DDB1: variants seen among roughly 807,000 people sequenced by gnomAD.
DDB1 encodes the protein damage specific DNA binding protein 1, also known as DNA damage-binding protein 1.
A neutral mutation model predicts 133.1 loss-of-function variants in DDB1; 18 were observed. The observed-to-expected ratio is 0.14, with a 90% confidence interval of 0.09 to 0.20. The LOEUF is 0.20. Among genes scored for constraint, DDB1 ranks in the 10% least tolerant of loss-of-function variants. DDB1 has a pLI of 1.00. For synonymous variants in DDB1, 580 were observed against 550.5 expected (o/e 1.05, Z -0.75); for missense variants, 828 against 1,459.2 (o/e 0.57, Z 7.05).
In DDB1 at chr11:61,329,204, G is replaced by GA. The variant is rs572601058; in HGVS notation, c.549+158dup. ...AGTACTACTGCACTCAAGAAGCAAC[G>GA]AAAGTCTGACCCATATTAATTGTGT... On this transcript the variant is annotated intron_variant, in intron 4 of 26. Transcript: ENST00000301764. 1,331 of 670,358 alleles carry GA rather than the reference G, an allele frequency of 2.0e-3. 1 individual carries two copies. The highest frequency in any genetic ancestry group is 3.0e-3 in the Non-Finnish European group (1,152 of 385,582). The allele number at this position is 670,358 out of a possible 1,614,324, so 41.5% of individuals were successfully genotyped here. A position where few individuals can be genotyped will look rare whatever the true frequency, so the allele number is the denominator to read the frequency against.
intron 8 of DDB1, 49 bp downstream of exon 8, chr11:61,322,962 G>A (rs762548961): frequency 3.4e-6 from 5 of 1,482,456 alleles, no homozygotes; most frequent in East Asian, 2.3e-5. Flanking sequence ...ATTTGATGAA[G>A]AAACAGTGAG....
In DDB1 at chr11:61,299,721, A is replaced by G. The variant is rs759958615; in HGVS notation, c.*415T>C. On this transcript the variant is annotated 3_prime_UTR_variant, in exon 27 of 27. Coordinates refer to ENST00000301764, the MANE Select transcript of DDB1 (RefSeq NM_001923.5). ...CTCCTAACCCTCTTCCCCACTACCC[A>G]CAACTCCCTACACTGCCAATCTAAA... is the stretch of plus-strand genomic sequence containing the variant. The G allele has an allele frequency of 4.6e-6, 1 of 218,812 alleles. No individual in the cohort carries two copies. The highest frequency in any genetic ancestry group is 2.3e-5 in the African/African-American group (1 of 43,444). The allele number at this position is 218,812 out of a possible 1,614,324, so 13.6% of individuals were successfully genotyped here. A position where few individuals can be genotyped will look rare whatever the true frequency, so the allele number is the denominator to read the frequency against.
rs1300140184 is a variant in DDB1 at position 61,314,493 on chromosome 11, A to G, written c.1411-7T>C. On this transcript the variant is annotated splice_polypyrimidine_tract_variant and splice_region_variant and intron_variant, in intron 12 of 26. Coordinates refer to ENST00000301764, the MANE Select transcript of DDB1 (RefSeq NM_001923.5). ...TCACCGATGCTGAAGTGATCTAGAT[A>G]AACAGCAGATGAACAAATGTCTCCA... is the stretch of plus-strand genomic sequence containing the variant. 1 of 1,603,966 alleles carries G rather than the reference A, an allele frequency of 6.2e-7. No homozygotes were observed. Among genetic ancestry groups the G allele is most frequent in the Admixed American group, 1.7e-5 (1 of 58,102 alleles).
In DDB1 at chr11:61,309,929, T is replaced by C. The variant is rs1179983762; in HGVS notation, c.2433A>G (p.Glu811=). The C allele has an allele frequency of 1.2e-6, 2 of 1,614,222 alleles. No homozygotes were observed. Among genetic ancestry groups the C allele is most frequent in the Non-Finnish European group, 1.7e-6 (2 of 1,180,040 alleles). ...VLHAHQFLQN[E]YALSLVSCKL... ...TGCAGGAAACCAGACTGAGGGCATA[T>C]TCATTCTGCAGAAACTGGTGGGCAT... The change falls in exon 20 of 27, where the codon GAA becomes GAG. Residue 811 remains glutamate (E), a synonymous_variant. Transcript: ENST00000301764.
At chr11:61,318,539 C>T (rs183590571) in intron 10 of DDB1, among the ~76,000 whole-genome samples, 2 of 152,174 alleles carry the variant, frequency 1.3e-5, no homozygotes, top group African/African-American at 4.8e-5. Flanking sequence ...CATTCATGTC[C>T]TTTGCTAGTT....
At chr11:61,302,958 A>T in intron 23 of DDB1, 88 bp downstream of exon 23, 1 of 1,358,774 alleles carries the variant, frequency 7.4e-7, no homozygotes, top group Non-Finnish European at 1.0e-6. Flanking sequence ...GAGCACCTGA[A>T]CCTGACACAG....
At chr11:61,325,894 ATC>A in intron 5 of DDB1, 186 bp from the exon 6 acceptor site, 2 of 669,414 alleles carry the variant, frequency 3.0e-6, no homozygotes, top group Non-Finnish European at 5.4e-6. Context: ...ACTGGCCATT[ATC>A]TAATCCTGGT....
At chr11:61,312,992 T>C (rs1014535142) in intron 16 of DDB1, among the ~76,000 whole-genome samples, 1 of 152,174 alleles carries the variant, frequency 6.6e-6, no homozygotes, top group African/African-American at 2.4e-5. Context: ...TTTGTATTTT[T>C]ATTAGAGACA....
intron 23 of DDB1, 24 bp from the exon 24 acceptor site, chr11:61,302,775 T>C (rs932097190): frequency 6.2e-7 from 1 of 1,613,716 alleles, no homozygotes; most frequent in African/African-American, 1.3e-5. Flanking sequence ...AGAAAGTCAC[T>C]TTCTGAACCT....
At chr11:61,326,931 G>C (rs763772140) in intron 4 of DDB1, 38 bp from the exon 5 acceptor site, 1 of 1,492,960 alleles carries the variant, frequency 6.7e-7, no homozygotes, top group South Asian at 1.1e-5. Context: ...CCTTAGGAAG[G>C]GTGAGCCTTG....
In DDB1 at chr11:61,303,861, T is replaced by A. The variant is rs1168947408; in HGVS notation, c.2832+4A>T. On this transcript the variant is annotated splice_donor_region_variant and intron_variant, in intron 22 of 26. Coordinates refer to ENST00000301764, the MANE Select transcript of DDB1 (RefSeq NM_001923.5). ...GTCTGCTCGCATCCCCCCACCAGCA[T>A]CACCTCTTCAAAGTTTCCTTCCATG... The A allele has an allele frequency of 6.2e-7, 1 of 1,613,798 alleles. No individual in the cohort carries two copies. Among genetic ancestry groups the A allele is most frequent in the Non-Finnish European group, 8.5e-7 (1 of 1,179,922 alleles).
chr11:61,315,664 A>G (rs1856050649), intron 12 of DDB1: 1 of 152,578 alleles, frequency 6.6e-6, no homozygotes, highest in African/African-American at 2.4e-5. Flanking sequence ...GAGTGCTAAA[A>G]GCTGAAGGAT....
At position 61,330,056 on chromosome 11, in the gene DDB1, G is replaced by A. The variant is rs1032665209; in HGVS notation, c.229C>T (p.Leu77=). 6.2e-7 allele frequency: 1 copy of A among 1,613,090 alleles called. No homozygotes were observed. The highest frequency in any genetic ancestry group is 1.3e-5 in the African/African-American group (1 of 74,902). ...FRPKGESKDL[L]FILTAKYNAC... The stretch of plus-strand genomic sequence containing the variant: ...TTGTACTTCGCTGTCAAGATAAACA[G>A]CAGGTCCTTGCTCTCCCCCTGGAAA... The change falls in exon 3 of 27, where the codon CTG becomes TTG. Residue 77 remains leucine (L), a synonymous_variant. Coordinates refer to ENST00000301764, the MANE Select transcript of DDB1 (RefSeq NM_001923.5).
intron 21 of DDB1, among the ~76,000 whole-genome samples, chr11:61,306,517 T>C (rs1855885294): frequency 6.6e-6 from 1 of 152,192 alleles, no homozygotes; most frequent in South Asian, 2.1e-4. Flanking sequence ...TCTTGATGAC[T>C]ATAATATTCA....
At chr11:61,307,308 T>G (rs28720342) in intron 21 of DDB1, among the ~76,000 whole-genome samples, 1,530 of 152,362 alleles carry the variant, frequency 0.01, 39 homozygotes, top group African/African-American at 0.035. Flanking sequence ...CTGAGGCGAC[T>G]GCAATCAGGT....
At position 61,299,987 on chromosome 11, in the gene DDB1, C is replaced by A; in HGVS notation, c.*149G>T. 1 of 704,582 alleles carries A rather than the reference C, an allele frequency of 1.4e-6. No individual in the cohort carries two copies. The highest frequency in any genetic ancestry group is 2.5e-6 in the Non-Finnish European group (1 of 407,640). The allele number at this position is 704,582 out of a possible 1,614,324, so 43.6% of individuals were successfully genotyped here. ...ATTCCCAAGTCTCTATGAAGCCCGC[C>A]CCACTTCCACATAGGGGAACTGTGG... On this transcript the variant is annotated 3_prime_UTR_variant, in exon 27 of 27. Transcript: ENST00000301764.
In DDB1 at chr11:61,300,000, AG is replaced by A; in HGVS notation, c.*135del. ...TATGAAGCCCGCCCCACTTCCACATAGGGGAACTGTGGCTCTGGGGGCAGCT... is the reference window on the plus strand; with the variant it reads ...TATGAAGCCCGCCCCACTTCCACATAGGGAACTGTGGCTCTGGGGGCAGCT... On this transcript the variant is annotated 3_prime_UTR_variant, in exon 27 of 27. Coordinates refer to ENST00000301764, the MANE Select transcript of DDB1 (RefSeq NM_001923.5). 1 of 770,954 alleles carries A rather than the reference AG, an allele frequency of 1.3e-6. No homozygotes were observed. The highest frequency in any genetic ancestry group is 2.2e-6 in the Non-Finnish European group (1 of 453,202). 47.8% of individuals were successfully genotyped at this position (770,954 alleles called of 1,614,324 possible).
chr11:61,304,754 T>TA, intron 21 of DDB1, among the ~76,000 whole-genome samples: 1 of 151,694 alleles, frequency 6.6e-6, no homozygotes, highest in Admixed American at 6.6e-5. Context: ...GGCGGGCACC[T>TA]GTAGTCCCAG....
At position 61,331,567 on chromosome 11, in the gene DDB1, C is replaced by G. The variant is rs577832464; in HGVS notation, c.186G>C (p.Ala62=). Reference sequence around the variant, plus strand: ...CCTTGGGCCTGAAAAGCTCCATGACCGCAATCTTCCCATACATGCCCACCT... The same window carrying G: ...CCTTGGGCCTGAAAAGCTCCATGACGGCAATCTTCCCATACATGCCCACCT... ...VKEVGMYGKI[A]VMELFRPKGE... is the part of the protein sequence containing the mutation. The change falls in exon 2 of 27, where the codon GCG becomes GCC. Residue 62 remains alanine, a synonymous_variant. Coordinates refer to ENST00000301764, the MANE Select transcript of DDB1 (RefSeq NM_001923.5). 4.1e-5 allele frequency: 66 copies of G among 1,614,170 alleles called. No individual in the cohort carries two copies. The African/African-American group carries it at 8.3e-4, about 20-fold the overall frequency.
Sources: allele counts gnomAD v4.1 joint callset (sites outside exome capture counted in the v4.1 genomes callset), GRCh38; gene constraint gnomAD v4.1.1; transcripts MANE v1.5; gene names NCBI Gene and HGNC (gene_info 2026-07-23, HGNC 2026-07-21).